NXPH1: variants seen among roughly 807,000 people sequenced by gnomAD.
NXPH1 encodes the protein neurexophilin 1.
NXPH1 carries 5 observed loss-of-function variants against 23.7 expected under a neutral mutation model. The ratio of observed to expected loss-of-function variants is 0.21; its 90% CI spans 0.11 to 0.44. The LOEUF is 0.44. Ranked by LOEUF, NXPH1 falls within the 20% of genes least tolerant of loss-of-function variation. NXPH1 has a pLI of 0.99. For synonymous variants in NXPH1, 144 were observed against 122.2 expected (o/e 1.18, Z -1.18); for missense variants, 324 against 321.6 (o/e 1.01, Z -0.06).
intron 2 of NXPH1, among the ~76,000 whole-genome samples, chr7:8,474,066 T>C (rs1156374729): frequency 6.6e-6 from 1 of 152,182 alleles, no homozygotes; most frequent in Non-Finnish European, 1.5e-5. Flanking sequence ...CAGTTTCTAA[T>C]GGTGGATAGC....
chr7:8,692,301 C>A (rs908770826), intron 2 of NXPH1, among the ~76,000 whole-genome samples: 6 of 152,042 alleles, frequency 3.9e-5, no homozygotes, highest in Admixed American at 3.9e-4. Context: ...CACACGTAAG[C>A]CAGAAAGGAG....
At chr7:8,635,412 G>A (rs1820203479) in intron 2 of NXPH1, among the ~76,000 whole-genome samples, 1 of 152,050 alleles carries the variant, frequency 6.6e-6, no homozygotes, top group East Asian at 1.9e-4. Context: ...TCTTTTTAGT[G>A]GTATAAATGC....
chr7:8,496,822 A>G (rs763791995), intron 2 of NXPH1, among the ~76,000 whole-genome samples: 2 of 152,102 alleles, frequency 1.3e-5, no homozygotes, highest in Non-Finnish European at 2.9e-5. Context: ...TTAATGACCC[A>G]TGCTTCTCAT....
At chr7:8,660,391 C>G (rs1820652993) in intron 2 of NXPH1, among the ~76,000 whole-genome samples, 1 of 152,142 alleles carries the variant, frequency 6.6e-6, no homozygotes, top group African/African-American at 2.4e-5. Context: ...CTTACATAAA[C>G]ACGGGTGAAA....
intron 2 of NXPH1, among the ~76,000 whole-genome samples, chr7:8,705,291 A>G (rs1460208261): frequency 1.3e-5 from 2 of 152,194 alleles, no homozygotes; most frequent in Non-Finnish European, 2.9e-5. Flanking sequence ...CTTCTCTGGC[A>G]TCTGTGTGAA....
intron 2 of NXPH1, among the ~76,000 whole-genome samples, chr7:8,536,290 T>C (rs1818024554): frequency 6.6e-6 from 1 of 152,060 alleles, no homozygotes; most frequent in South Asian, 2.1e-4. Flanking sequence ...TCAATGCTGA[T>C]CACATATTGA....
chr7:8,718,240 T>C (rs996143017), intron 2 of NXPH1, among the ~76,000 whole-genome samples: 1 of 152,166 alleles, frequency 6.6e-6, no homozygotes, highest in African/African-American at 2.4e-5. Flanking sequence ...TAAAACATAG[T>C]TATGTGGCCT....
At chr7:8,660,040 G>T (rs1004638844) in intron 2 of NXPH1, among the ~76,000 whole-genome samples, 1 of 152,188 alleles carries the variant, frequency 6.6e-6, no homozygotes, top group Non-Finnish European at 1.5e-5. Flanking sequence ...GAAAAACCCA[G>T]TGTGACTTTC....
chr7:8,688,159 G>A (rs1821175085), intron 2 of NXPH1, among the ~76,000 whole-genome samples: 1 of 151,996 alleles, frequency 6.6e-6, no homozygotes, highest in African/African-American at 2.4e-5. Flanking sequence ...TGTGTATAAG[G>A]GTGTCTTCAA....
chr7:8,638,624 G>C (rs1380071282), intron 2 of NXPH1, among the ~76,000 whole-genome samples: 1 of 152,084 alleles, frequency 6.6e-6, no homozygotes, highest in East Asian at 1.9e-4. Flanking sequence ...ACACTTAGAG[G>C]GGCTTTTAAG....
chr7:8,456,205 G>T (rs2128606181), intron 2 of NXPH1, among the ~76,000 whole-genome samples: 1 of 152,254 alleles, frequency 6.6e-6, no homozygotes, highest in East Asian at 1.9e-4. Flanking sequence ...TCTACATAAA[G>T]TTAAAGTCTA....
chr7:8,524,134 C>T (rs893823670), intron 2 of NXPH1, among the ~76,000 whole-genome samples: 3 of 147,712 alleles, frequency 2.0e-5, no homozygotes, highest in Non-Finnish European at 4.4e-5. Flanking sequence ...CCCAGCTACT[C>T]AGGAGGTCGA....
chr7:8,592,063 A>G (rs10277524), intron 2 of NXPH1, among the ~76,000 whole-genome samples: 1 of 151,642 alleles, frequency 6.6e-6, no homozygotes, highest in African/African-American at 2.4e-5. Context: ...GGAGAGGCGA[A>G]AGATTGTCAA....
chr7:8,609,175 C>T (rs936645016), intron 2 of NXPH1, among the ~76,000 whole-genome samples: 1 of 152,208 alleles, frequency 6.6e-6, no homozygotes, highest in East Asian at 1.9e-4. Context: ...CTTTCTTATT[C>T]TACAGATGGT....
At chr7:8,619,268 T>C (rs1562429811) in intron 2 of NXPH1, among the ~76,000 whole-genome samples, 2 of 152,168 alleles carry the variant, frequency 1.3e-5, no homozygotes, top group Non-Finnish European at 2.9e-5. Context: ...CCCTGTCTTA[T>C]CTCCTTGGTT....
intron 2 of NXPH1, among the ~76,000 whole-genome samples, chr7:8,747,190 C>T (rs1309008937): frequency 6.6e-6 from 1 of 152,180 alleles, no homozygotes; most frequent in East Asian, 1.9e-4. Context: ...GCCCACATCA[C>T]ACAGCTGTTA....
chr7:8,593,902 G>A (rs909278736), intron 2 of NXPH1, among the ~76,000 whole-genome samples: 5 of 151,982 alleles, frequency 3.3e-5, no homozygotes, highest in African/African-American at 9.7e-5. Context: ...TACACGATAC[G>A]TTACATACAA....
chr7:8,537,982 T>G (rs1425722944), intron 2 of NXPH1, among the ~76,000 whole-genome samples: 1 of 151,910 alleles, frequency 6.6e-6, no homozygotes, highest in Non-Finnish European at 1.5e-5. Context: ...CCTCCATTTA[T>G]AAAGTAAGGC....
intron 2 of NXPH1, among the ~76,000 whole-genome samples, chr7:8,578,567 A>G (rs567760091): frequency 1.3e-5 from 2 of 152,316 alleles, no homozygotes; most frequent in African/African-American, 2.4e-5. Flanking sequence ...AGTCCTCTGA[A>G]AGCAGAGCAG....
Sources: gnomAD v4.1 joint callset for allele counts (sites outside exome capture counted in the v4.1 genomes callset) on GRCh38, gnomAD v4.1.1 for gene constraint, MANE v1.5 for transcripts, NCBI Gene and HGNC (gene_info 2026-07-23, HGNC 2026-07-21) for gene names.